The following ZFYVE26 variants were observed in gnomAD, a reference collection of about 807,000 sequenced individuals.
ZFYVE26 encodes zinc finger FYVE domain-containing protein 26.
A neutral mutation model predicts 276.5 loss-of-function variants in ZFYVE26; 181 were observed. The observed-to-expected ratio is 0.65, with a 90% CI of 0.58 to 0.74. The LOEUF is 0.74. ZFYVE26 is among the 30% of genes least tolerant of loss of function. ZFYVE26 has a pLI of 0.00. For missense variants in ZFYVE26, 2,821 were observed against 3,097.9 expected (o/e 0.91, Z 2.12); for synonymous variants, 1,129 against 1,203.1 (o/e 0.94, Z 1.27).
In ZFYVE26 at chr14:67,798,349, G is replaced by A. The variant is rs1594930461; in HGVS notation, c.1913C>T (p.Pro638Leu). 1 of 1,610,526 alleles carries A rather than the reference G, an allele frequency of 6.2e-7. No homozygotes were observed. Among genetic ancestry groups the A allele is most frequent in the East Asian group, 2.2e-5 (1 of 44,838 alleles). ...RKSERGSLGV[P>L]KTLAYTMPSH... The stretch of plus-strand genomic sequence containing the variant: ...TGGCATTGTATAAGCAAGGGTCTTT[G>A]GGACTCCCAGGGAACCCCGTTCTGA... Residue 638 changes from proline (P) to leucine (L), a missense_variant, in exon 11 of 42, where the codon CCA becomes CTA. Pro to Leu is a moderately conservative substitution (Grantham distance 98, BLOSUM62 -3). Transcript: ENST00000347230.
rs770883892 is a variant in ZFYVE26, at chr14:67,805,238, T to C, written c.1250A>G (p.Glu417Gly). The C allele has an allele frequency of 6.2e-7, 1 of 1,613,912 alleles. No individual in the cohort carries two copies. Among genetic ancestry groups the C allele is most frequent in the Non-Finnish European group, 8.5e-7 (1 of 1,180,000 alleles). ...ATACCTGCTCTGCTGTATGCACCAC[T>C]CCAGGACCTCCAGGTGAGCCCACAA... ...DGLWAHLEVL[E>G]WCIQQSSNPI... Residue 417 changes from glutamate to glycine, a missense_variant, in exon 8 of 42, where the codon GAG becomes GGG. Transcript: ENST00000347230.
Position 67,815,579 on chromosome 14 carries a change from T to C in ZFYVE26, c.194+191A>G, listed in dbSNP as rs150178619. The C allele has an allele frequency of 3.8e-3, 2,477 of 646,190 alleles. 75 individuals are homozygous for C. In the Admixed American group the frequency reaches 0.053, roughly 14 times the overall value. The allele number at this position is 646,190 out of a possible 1,614,324, so 40.0% of individuals were successfully genotyped here. A position where few individuals can be genotyped will look rare whatever the true frequency, so the allele number is the denominator to read the frequency against. On this transcript the variant is annotated intron_variant, in intron 2 of 41. Transcript: ENST00000347230. ...CAGGCTTACATTCAGTTGCAGATGA[T>C]AATCAAAAGCCAATATTGACTAAGT...
In ZFYVE26 at chr14:67,769,126, C is replaced by T. The variant is rs556531125; in HGVS notation, c.5621+468G>A. On this transcript the variant is annotated intron_variant, in intron 29 of 41. Transcript: ENST00000347230. ...TTTCTGAAATTTGTTACCAGGTGAA[C>T]TCTGTGTAGGCAAGTATGGAGGCTC... Among the ~76,000 whole-genome samples the T allele has an allele frequency of 1.2e-4, 18 of 152,304 alleles. No individual in the cohort carries two copies. In the East Asian group the frequency reaches 2.7e-3, roughly 23 times the overall value.
At chr14:67,779,192 T>G (rs988568062) in intron 23 of ZFYVE26, among the ~76,000 whole-genome samples, 5 of 152,058 alleles carry the variant, frequency 3.3e-5, no homozygotes, top group African/African-American at 1.2e-4. Context: ...ATATTCAAAT[T>G]TATTAGTTAT....
At chr14:67,794,068 T>C (rs1323830067) in intron 13 of ZFYVE26, 103 bp downstream of exon 13, 46 of 1,324,794 alleles carry the variant, frequency 3.5e-5, no homozygotes, top group Non-Finnish European at 4.9e-5. Flanking sequence ...CAACCTTGAA[T>C]AACAACCTTG....
At chr14:67,775,452 C>T (rs538199127) in intron 26 of ZFYVE26, among the ~76,000 whole-genome samples, 1 of 152,234 alleles carries the variant, frequency 6.6e-6, no homozygotes, top group East Asian at 1.9e-4. Context: ...GAACATCAGT[C>T]CATACTTATT....
chr14:67,799,152 C>A, intron 10 of ZFYVE26: 1 of 1,543,854 alleles, frequency 6.5e-7, no homozygotes, highest in Non-Finnish European at 9.0e-7. Context: ...AAAAAGATAT[C>A]TTTAGAGGAC....
Position 67,755,954 on chromosome 14 carries a change from A to G in ZFYVE26, c.6780T>C (p.Phe2260=). 1 of 1,614,218 alleles carries G rather than the reference A, an allele frequency of 6.2e-7. No homozygotes were observed. The highest frequency in any genetic ancestry group is 8.5e-7 in the Non-Finnish European group (1 of 1,180,032). The change falls in exon 36 of 42, where the codon TTT becomes TTC. Residue 2260 remains phenylalanine (F), a synonymous_variant. Transcript: ENST00000347230. ...YYHILYELQQ[F]MKDQVRAAMT... is the part of the protein sequence containing the mutation. ...AGGAAGGGGCTGCCATTACCTTCATAAACTGCTGCAGCTCATACAGAATGT... is the reference window on the plus strand; with the variant it reads ...AGGAAGGGGCTGCCATTACCTTCATGAACTGCTGCAGCTCATACAGAATGT...
At chr14:67,766,099 AG>A in intron 32 of ZFYVE26, 127 bp downstream of exon 32, 1 of 930,578 alleles carries the variant, frequency 1.1e-6, no homozygotes, top group East Asian at 2.5e-5. Flanking sequence ...AACATTACAC[AG>A]ATGAAAAATC....
In ZFYVE26 at chr14:67,780,386, T is replaced by C. The variant is rs760588897; in HGVS notation, c.4570-41A>G. 34 of 1,532,022 alleles carry C rather than the reference T, an allele frequency of 2.2e-5. No homozygotes were observed. In the East Asian group the frequency reaches 7.9e-4, roughly 36 times the overall value. 94.9% of individuals were successfully genotyped at this position (1,532,022 alleles called of 1,614,324 possible). ...AAAATCCGTCAAACCACACTGCAGCTTCTCCCTCCATGAACAAGTCACTGG... is the reference window on the plus strand; with the variant it reads ...AAAATCCGTCAAACCACACTGCAGCCTCTCCCTCCATGAACAAGTCACTGG... On this transcript the variant is annotated intron_variant, in intron 22 of 41. Transcript: ENST00000347230.
At chr14:67,805,149 C>T in intron 8 of ZFYVE26, 68 bp downstream of exon 8, 1 of 1,489,368 alleles carries the variant, frequency 6.7e-7, no homozygotes, top group Middle Eastern at 2.1e-4. Context: ...CTTGAAATGG[C>T]CACACATGCG....
rs376362836 is a variant in ZFYVE26, at chr14:67,793,346, C to T, written c.2553+262G>A. 4.5e-4 allele frequency among the ~76,000 whole-genome samples: 68 copies of T among 152,266 alleles called. 1 individual carries two copies. The South Asian group carries it at 0.013, about 29-fold the overall frequency. On this transcript the variant is annotated intron_variant, in intron 14 of 41. Coordinates refer to ENST00000347230, the MANE Select transcript of ZFYVE26 (RefSeq NM_015346.4). ...AAGGAGAGAAACAAAAGTTTCCATG[C>T]TTTTAAGTGGTGGGAGTGTGGCTGA... is the stretch of plus-strand genomic sequence containing the variant.
At chr14:67,768,982 C>A (rs927284286) in intron 29 of ZFYVE26, among the ~76,000 whole-genome samples, 1 of 152,150 alleles carries the variant, frequency 6.6e-6, no homozygotes. Context: ...GGCCCATATT[C>A]CTAGATGCTC....
At chr14:67,793,560 C>T (rs1190530326) in intron 14 of ZFYVE26, 48 bp downstream of exon 14, 1 of 1,601,608 alleles carries the variant, frequency 6.2e-7, no homozygotes, top group Admixed American at 1.7e-5. Flanking sequence ...CCGAGCCTTA[C>T]CTGATGCTAA....
intron 27 of ZFYVE26, 106 bp from the exon 28 acceptor site, chr14:67,772,316 A>G (rs2039233236): frequency 2.3e-6 from 3 of 1,281,632 alleles, no homozygotes; most frequent in Admixed American, 2.0e-5. Context: ...TTATTGAAAG[A>G]ATAGATCCAG....
At position 67,806,544 on chromosome 14, in the gene ZFYVE26, C is replaced by G; in HGVS notation, c.1017+1G>C. 2 of 1,614,132 alleles carry G rather than the reference C, an allele frequency of 1.2e-6. No homozygotes were observed. The highest frequency in any genetic ancestry group is 8.5e-7 in the Non-Finnish European group (1 of 1,179,992). ...GTGATGAACAATTAAGCTTGACTTA[C>G]CAGAATCTGCTCGAGGAAGTGTTTG... On this transcript the variant is annotated splice_donor_variant, in intron 6 of 41. Transcript: ENST00000347230. LOFTEE classifies it high-confidence loss of function.
In ZFYVE26 at chr14:67,748,652, TATAAG is replaced by T; in HGVS notation, c.7417-18_7417-14del. The T allele has an allele frequency of 6.2e-7, 1 of 1,613,600 alleles. No homozygotes were observed. The highest frequency in any genetic ancestry group is 8.5e-7 in the Non-Finnish European group (1 of 1,179,986). ...GGTAGGCCCGAACCTGGCAGTCAGTTATAAGAGACAGCGGAAAGGCATCCATCACC... is the reference window on the plus strand; with the variant it reads ...GGTAGGCCCGAACCTGGCAGTCAGTTAGACAGCGGAAAGGCATCCATCACC... On this transcript the variant is annotated splice_polypyrimidine_tract_variant and intron_variant, in intron 41 of 41. Coordinates refer to ENST00000347230, the MANE Select transcript of ZFYVE26 (RefSeq NM_015346.4).
intron 32 of ZFYVE26, among the ~76,000 whole-genome samples, chr14:67,764,621 G>C (rs557720960): frequency 1.1e-4 from 16 of 152,300 alleles, no homozygotes; most frequent in South Asian, 2.1e-4. Flanking sequence ...GAGTTTGTAA[G>C]TGATTTGCAT....
intron 13 of ZFYVE26, 92 bp downstream of exon 13, chr14:67,794,079 A>G: frequency 7.2e-7 from 1 of 1,384,804 alleles, no homozygotes; most frequent in Non-Finnish European, 1.0e-6. Flanking sequence ...AACAACCTTG[A>G]CTGCTCAATC....
Sources: allele counts gnomAD v4.1 joint callset (sites outside exome capture counted in the v4.1 genomes callset), GRCh38; gene constraint gnomAD v4.1.1; transcripts MANE v1.5; gene names NCBI Gene and HGNC (gene_info 2026-07-23, HGNC 2026-07-21).